GABBR2: variants seen among roughly 807,000 people sequenced by gnomAD.
The protein encoded by GABBR2 is G-protein coupled receptor 51.
Under a neutral mutation model 105.6 loss-of-function variants are expected in GABBR2, and 23 were observed. The ratio of observed to expected loss-of-function variants is 0.22; its 90% CI spans 0.16 to 0.31. The LOEUF (loss-of-function observed/expected upper bound fraction) is 0.31, where lower values mean the gene tolerates loss of function less well. Ranked by LOEUF, GABBR2 falls within the 10% of genes least tolerant of loss-of-function variation. GABBR2 has a pLI of 1.00. For synonymous variants in GABBR2, 478 were observed against 499.7 expected (o/e 0.96, Z 0.58); for missense variants, 734 against 1,245.5 (o/e 0.59, Z 6.18).
Position 98,703,341 on chromosome 9 carries a change from G to A in GABBR2, c.321+5076C>T, listed in dbSNP as rs144267095. 7.2e-5 allele frequency among the ~76,000 whole-genome samples: 11 copies of A among 152,322 alleles called. No homozygotes were observed. The East Asian group carries it at 1.7e-3, about 24-fold the overall frequency. Reference sequence around the variant, plus strand: ...TAGGTTTTTTCAGTTATATGAACCTGTTAAAGTTGGCTTTCTGTCATTTGC... The same window carrying A: ...TAGGTTTTTTCAGTTATATGAACCTATTAAAGTTGGCTTTCTGTCATTTGC... On this transcript the variant is annotated intron_variant, in intron 1 of 18. Coordinates refer to ENST00000259455, the MANE Select transcript of GABBR2 (RefSeq NM_005458.8).
At chr9:98,397,759 G>A (rs116665197) in intron 8 of GABBR2, among the ~76,000 whole-genome samples, 14 of 152,128 alleles carry the variant, frequency 9.2e-5, no homozygotes, top group Middle Eastern at 3.4e-3. Context: ...CTCCCCTCCC[G>A]GTGTCCTAGT....
At chr9:98,367,308 A>AAAAT (rs1554695819) in intron 12 of GABBR2, among the ~76,000 whole-genome samples, 7 of 150,996 alleles carry the variant, frequency 4.6e-5, no homozygotes, top group African/African-American at 1.5e-4. Flanking sequence ...TAAAAAAAAA[A>AAAAT]AAAAAAATAA....
chr9:98,589,711 CTTTTTTTTT>C (rs561852717), intron 1 of GABBR2, among the ~76,000 whole-genome samples: 1 of 132,732 alleles, frequency 7.5e-6, no homozygotes, highest in Non-Finnish European at 1.6e-5. Context: ...GTTTGGCTGT[CTTTTTTTTT>C]TTTTTTTTTT....
intron 1 of GABBR2, among the ~76,000 whole-genome samples, chr9:98,666,692 T>A (rs1830338984): frequency 6.6e-6 from 1 of 152,162 alleles, no homozygotes; most frequent in South Asian, 2.1e-4. Flanking sequence ...TAAATTTAAG[T>A]AGTTACTCAT....
chr9:98,564,332 C>G (rs1477395571), intron 2 of GABBR2, among the ~76,000 whole-genome samples: 3 of 152,218 alleles, frequency 2.0e-5, no homozygotes, highest in Non-Finnish European at 4.4e-5. Context: ...CCAGACTCTA[C>G]TTTCTTTGAA....
intron 13 of GABBR2, among the ~76,000 whole-genome samples, chr9:98,340,108 GA>G (rs1431568207): frequency 6.6e-6 from 1 of 152,078 alleles, no homozygotes; most frequent in Non-Finnish European, 1.5e-5. Flanking sequence ...CATGGTGGGG[GA>G]AAGCTGCAGC....
At chr9:98,343,588 G>A (rs776289777) in intron 13 of GABBR2, among the ~76,000 whole-genome samples, 8 of 152,086 alleles carry the variant, frequency 5.3e-5, no homozygotes, top group East Asian at 1.9e-4. Context: ...GGCCGGGCGC[G>A]GTGGCTCACA....
At chr9:98,702,897 T>C (rs1830849080) in intron 1 of GABBR2, among the ~76,000 whole-genome samples, 4 of 152,210 alleles carry the variant, frequency 2.6e-5, no homozygotes, top group African/African-American at 9.6e-5. Flanking sequence ...CAACCCTTAA[T>C]GGCCTCTGAT....
intron 1 of GABBR2, 148 bp from the exon 2 acceptor site, chr9:98,578,220 C>A (rs1828948340): frequency 7.5e-6 from 6 of 801,224 alleles, no homozygotes; most frequent in Non-Finnish European, 1.2e-5. Flanking sequence ...AGCCCTGAGT[C>A]CACGCTGTAA....
intron 16 of GABBR2, among the ~76,000 whole-genome samples, chr9:98,302,291 T>A (rs966417663): frequency 3.9e-5 from 6 of 152,272 alleles, no homozygotes; most frequent in Middle Eastern, 3.4e-3. Flanking sequence ...ATCCCTCATG[T>A]GGACTTTCTA....
At chr9:98,606,092 A>G (rs1280280352) in intron 1 of GABBR2, among the ~76,000 whole-genome samples, 1 of 152,220 alleles carries the variant, frequency 6.6e-6, no homozygotes, top group Non-Finnish European at 1.5e-5. Flanking sequence ...TGTCCCTACC[A>G]AAGACATGAA....
intron 1 of GABBR2, among the ~76,000 whole-genome samples, chr9:98,640,844 C>A (rs911067437): frequency 6.6e-6 from 1 of 152,098 alleles, no homozygotes; most frequent in Non-Finnish European, 1.5e-5. Context: ...GAGGGACACA[C>A]GAGCTGATCA....
In GABBR2 at chr9:98,555,545, C is replaced by T. The variant is rs551443849; in HGVS notation, c.460-13502G>A. The T allele has an allele frequency of 5.9e-5, 9 of 152,250 alleles. No homozygotes were observed. The South Asian group carries it at 1.2e-3, about 21-fold the overall frequency. 9.4% of individuals were successfully genotyped at this position (152,250 alleles called of 1,614,324 possible). ...GAAATTAACAAATTACATTAGAAGC[C>T]TCTTTGGTTTCCTCGGCTCCTTTGC... is the stretch of plus-strand genomic sequence containing the variant. On this transcript the variant is annotated intron_variant, in intron 2 of 18. Coordinates refer to ENST00000259455, the MANE Select transcript of GABBR2 (RefSeq NM_005458.8).
chr9:98,459,258 T>G (rs1564077434), intron 6 of GABBR2, among the ~76,000 whole-genome samples: 1 of 152,132 alleles, frequency 6.6e-6, no homozygotes, highest in Non-Finnish European at 1.5e-5. Flanking sequence ...TCAAGAACAT[T>G]TAGAAAAGCA....
At position 98,686,203 on chromosome 9, in the gene GABBR2, C is replaced by T. The variant is rs546294737; in HGVS notation, c.321+22214G>A. The stretch of plus-strand genomic sequence containing the variant: ...CAGCTGGCCTGCCTTCACCAAGAAC[C>T]CTGTCTAGTTGGTTCAGCCAGAATC... On this transcript the variant is annotated intron_variant, in intron 1 of 18. Transcript: ENST00000259455. Among the ~76,000 whole-genome samples the T allele has an allele frequency of 4.6e-5, 7 of 152,228 alleles. No homozygotes were observed. In the East Asian group the frequency reaches 1.4e-3, roughly 29 times the overall value.
chr9:98,673,628 AG>A (rs1413580971), intron 1 of GABBR2, among the ~76,000 whole-genome samples: 8 of 151,948 alleles, frequency 5.3e-5, no homozygotes, highest in African/African-American at 1.9e-4. Flanking sequence ...AAAGATACAC[AG>A]GATGGCCAAT....
intron 7 of GABBR2, among the ~76,000 whole-genome samples, chr9:98,434,110 G>T (rs1040364499): frequency 3.3e-5 from 5 of 152,238 alleles, no homozygotes; most frequent in African/African-American, 1.2e-4. Flanking sequence ...ATAAAAGCAG[G>T]CAGAAGAACG....
chr9:98,442,887 C>T (rs1035878258), intron 7 of GABBR2, among the ~76,000 whole-genome samples: 2 of 152,206 alleles, frequency 1.3e-5, no homozygotes, highest in Non-Finnish European at 2.9e-5. Context: ...CTTCAAATCT[C>T]CCCTTTTTAT....
At chr9:98,637,172 C>T (rs896679167) in intron 1 of GABBR2, among the ~76,000 whole-genome samples, 1 of 152,112 alleles carries the variant, frequency 6.6e-6, no homozygotes, top group African/African-American at 2.4e-5. Context: ...GCAGTGAGTC[C>T]AAGTAAAATC....
Sources: gnomAD v4.1 joint callset for allele counts (sites outside exome capture counted in the v4.1 genomes callset) on GRCh38, gnomAD v4.1.1 for gene constraint, MANE v1.5 for transcripts, NCBI Gene and HGNC (gene_info 2026-07-23, HGNC 2026-07-21) for gene names.